ZFP1: variants seen among roughly 807,000 people sequenced by gnomAD.
ZFP1 encodes ZFP1 zinc finger protein, also known as zinc finger protein 1 homolog.
In ZFP1, 32 loss-of-function variants were observed where a neutral mutation model predicts 38.5. The ratio of observed to expected loss-of-function variants is 0.83; its 90% CI spans 0.63 to 1.12. The LOEUF is 1.12. Among genes scored for constraint, ZFP1 ranks in the 50% most tolerant of loss-of-function variants. The pLI is 0.00. For missense variants in ZFP1, 616 were observed against 480.8 expected, an observed-to-expected ratio of 1.28 and a Z score of -2.63; for synonymous variants, 245 against 168.8, an observed-to-expected ratio of 1.45 and a Z score of -3.50.
At chr16:75,141,495 G>A in the ZFP1 span, among the ~76,000 whole-genome samples, 34 of 151,928 alleles carry the variant, frequency 2.2e-4, no homozygotes, top group African/African-American at 4.8e-4. Flanking sequence ...GTGAGCCACC[G>A]CGCCCAGCCC....
In ZFP1 at chr16:75,171,945, A is replaced by T. The variant is rs1283099546; in HGVS notation, c.*1611A>T. The stretch of plus-strand genomic sequence containing the variant: ...TCTTACAACCTAGGAATCTCCTGGG[A>T]ATCTATCCCTAAGGAATAAAAAGCG... On this transcript the variant is annotated 3_prime_UTR_variant, in exon 4 of 4. Transcript: ENST00000570010. 1.3e-5 allele frequency: 2 copies of T among 152,242 alleles called. No individual in the cohort carries two copies. Among genetic ancestry groups the T allele is most frequent in the Non-Finnish European group, 2.9e-5 (2 of 68,036 alleles). 9.4% of individuals were successfully genotyped at this position (152,242 alleles called of 1,614,324 possible). A position where few individuals can be genotyped will look rare whatever the true frequency, so the allele number is the denominator to read the frequency against.
the ZFP1 span, among the ~76,000 whole-genome samples, chr16:75,128,251 A>G: frequency 2.0e-5 from 3 of 152,204 alleles, no homozygotes; most frequent in Non-Finnish European, 4.4e-5. Context: ...TCAAGAGGAG[A>G]AGAATTTACC....
the ZFP1 span, among the ~76,000 whole-genome samples, chr16:75,119,048 A>T: frequency 6.6e-6 from 1 of 152,182 alleles, no homozygotes; most frequent in Non-Finnish European, 1.5e-5. Context: ...GTGACGTCTC[A>T]AGTCTCCCCA....
the ZFP1 span, among the ~76,000 whole-genome samples, chr16:75,130,247 T>G: frequency 3.9e-5 from 6 of 152,258 alleles, no homozygotes; most frequent in Non-Finnish European, 8.8e-5. Flanking sequence ...GTGATCCGCC[T>G]GCCTCAGCCT....
chr16:75,160,886 C>T (rs1425077634), intron 2 of ZFP1, among the ~76,000 whole-genome samples: 1 of 152,056 alleles, frequency 6.6e-6, no homozygotes, highest in Non-Finnish European at 1.5e-5. Context: ...CCTAACCCCG[C>T]TCACAAGGGG....
the ZFP1 span, among the ~76,000 whole-genome samples, chr16:75,138,703 G>A: frequency 6.2e-4 from 94 of 152,362 alleles, 1 homozygote; most frequent in Admixed American, 5.9e-3. Flanking sequence ...CGCTACATGA[G>A]GGAAGTGATG....
At chr16:75,137,877 G>T in the ZFP1 span, among the ~76,000 whole-genome samples, 1 of 151,972 alleles carries the variant, frequency 6.6e-6, no homozygotes, top group Non-Finnish European at 1.5e-5. Flanking sequence ...AGCTTAGGTG[G>T]CAGAGTGAGA....
At chr16:75,159,314 TTCC>T (rs1567530371) in intron 2 of ZFP1, among the ~76,000 whole-genome samples, 21 of 7,176 alleles carry the variant, frequency 2.9e-3, no homozygotes, top group East Asian at 0.019. Context: ...CTTCCCTCCT[TTCC>T]CTCCTTTCCC....
At chr16:75,155,821 T>TA (rs1227562231) in intron 2 of ZFP1, among the ~76,000 whole-genome samples, 1 of 152,230 alleles carries the variant, frequency 6.6e-6, no homozygotes, top group African/African-American at 2.4e-5. Context: ...GTTGATAAAC[T>TA]ATAACTGGGA....
upstream of ZFP1, chr16:75,148,472 GCC>G (rs1367223839): frequency 6.6e-6 from 1 of 152,240 alleles, no homozygotes; most frequent in Non-Finnish European, 1.5e-5. Context: ...CCTGGGAACG[GCC>G]CGCGCCCCTG....
rs745802080 is a variant in ZFP1, at chr16:75,170,414, G to C, written c.*80G>C. 131 of 1,457,612 alleles carry C rather than the reference G, an allele frequency of 9.0e-5. No homozygotes were observed. The highest frequency in any genetic ancestry group is 1.2e-4 in the Non-Finnish European group (129 of 1,102,384). The allele number at this position is 1,457,612 out of a possible 1,614,324, so 90.3% of individuals were successfully genotyped here. A position where few individuals can be genotyped will look rare whatever the true frequency, so the allele number is the denominator to read the frequency against. On this transcript the variant is annotated 3_prime_UTR_variant, in exon 4 of 4. Coordinates refer to ENST00000570010, the MANE Select transcript of ZFP1 (RefSeq NM_153688.4). ...GAAAAACCTCATGACAGTATTGAGG[G>C]AACATGGGAATTCATACTGAGATGC...
At chr16:75,161,768 A>ATTT in intron 2 of ZFP1, among the ~76,000 whole-genome samples, 1 of 8,646 alleles carries the variant, frequency 1.2e-4, no homozygotes, top group African/African-American at 4.3e-4. Context: ...ATATATATAT[A>ATTT]TATATATTTT....
rs781017037 is a variant in ZFP1 at position 75,169,640 on chromosome 16, TAAA to T, written c.534_536del (p.Lys178del). 72 of 1,593,636 alleles carry T rather than the reference TAAA, an allele frequency of 4.5e-5. 1 individual carries two copies. Among genetic ancestry groups the T allele is most frequent in the Admixed American group, 2.6e-4 (14 of 53,344 alleles). On this transcript the variant is annotated inframe_deletion, in exon 4 of 4. Transcript: ENST00000570010. ...GCAGCCATTTTTAAACATCAGAAAA[TAAA>T]AAACTTGGTTCAACCTTTCATTTGT... is the stretch of plus-strand genomic sequence containing the variant.
At chr16:75,165,312 A>G (rs1055612358) in intron 2 of ZFP1, among the ~76,000 whole-genome samples, 2 of 152,142 alleles carry the variant, frequency 1.3e-5, no homozygotes, top group Admixed American at 1.3e-4. Flanking sequence ...AGCCCTTTGA[A>G]GATTTGTCTT....
the ZFP1 span, among the ~76,000 whole-genome samples, chr16:75,132,082 T>G: frequency 5.9e-5 from 9 of 152,160 alleles, no homozygotes; most frequent in East Asian, 1.7e-3. Flanking sequence ...TTTCATGGCA[T>G]GTATTTGTTA....
chr16:75,132,592 A>C, the ZFP1 span: 1 of 149,890 alleles, frequency 6.7e-6, no homozygotes, highest in South Asian at 2.1e-4. Context: ...GTGGTCATGC[A>C]TTGCTATGGA....
chr16:75,134,579 C>T, the ZFP1 span, among the ~76,000 whole-genome samples: 1,836 of 150,168 alleles, frequency 0.012, 34 homozygotes, highest in African/African-American at 0.041. Flanking sequence ...GGTGAAACCC[C>T]GTCTCTACTA....
intron 1 of ZFP1, among the ~76,000 whole-genome samples, chr16:75,151,626 T>C (rs1171794854): frequency 1.3e-5 from 2 of 152,214 alleles, no homozygotes; most frequent in Non-Finnish European, 2.9e-5. Flanking sequence ...TCCCGTCTTT[T>C]GCATTATTGT....
In ZFP1 at chr16:75,169,762, A is replaced by G. The variant is rs959191643; in HGVS notation, c.652A>G (p.Lys218Glu). 1.2e-6 allele frequency: 2 copies of G among 1,613,578 alleles called. No individual in the cohort carries two copies. The highest frequency in any genetic ancestry group is 1.7e-6 in the Non-Finnish European group (2 of 1,179,812). The change falls in exon 4 of 4, where the codon AAG (lysine) becomes GAG (glutamate). Residue 218 changes from lysine to glutamate, a missense_variant. By Grantham distance (56) the Lys-to-Glu change is moderately conservative. Transcript: ENST00000570010. ...GEKPYECNVCKKTFSHKANLI... is the reference protein window; with the variant it reads ...GEKPYECNVCEKTFSHKANLI... ...AAAGCCATATGAATGCAATGTATGTAAGAAAACCTTCTCCCATAAGGCCAA... is the reference window on the plus strand; with the variant it reads ...AAAGCCATATGAATGCAATGTATGTGAGAAAACCTTCTCCCATAAGGCCAA...
Sources: gnomAD v4.1 joint callset for allele counts (sites outside exome capture counted in the v4.1 genomes callset) on GRCh38, gnomAD v4.1.1 for gene constraint, MANE v1.5 for transcripts, NCBI Gene and HGNC (gene_info 2026-07-23, HGNC 2026-07-21) for gene names.